RNH1: variants seen among roughly 807,000 people sequenced by gnomAD.
RNH1 encodes ribonuclease inhibitor.
A neutral mutation model predicts 46.1 loss-of-function variants in RNH1; 38 were observed. The observed-to-expected ratio is 0.82, with a 90% CI of 0.64 to 1.08. RNH1 has a LOEUF of 1.08. Among genes scored for constraint, RNH1 ranks in the 50% least tolerant of loss-of-function variants. RNH1 has a pLI of 0.00. For missense variants in RNH1, 577 were observed against 590.7 expected (o/e 0.98, Z 0.24); for synonymous variants, 319 against 279.1 (o/e 1.14, Z -1.43).
At chr11:499,572 C>A (rs758137818) in intron 5 of RNH1, 1 of 706,674 alleles carries the variant, frequency 1.4e-6, no homozygotes, top group South Asian at 1.5e-5. Flanking sequence ...CCGTCGGGTC[C>A]TGGGGCAGCT....
At chr11:495,308 G>A (rs1848958174) in intron 9 of RNH1, among the ~76,000 whole-genome samples, 1 of 152,176 alleles carries the variant, frequency 6.6e-6, no homozygotes, top group Non-Finnish European at 1.5e-5. Context: ...AGAAAGGACA[G>A]GAGAGAGATG....
At position 502,208 on chromosome 11, in the gene RNH1, C is replaced by A. The variant is rs775588624; in HGVS notation, c.-46G>T. The A allele has an allele frequency of 6.8e-7, 1 of 1,468,398 alleles. No individual in the cohort carries two copies. Among genetic ancestry groups the A allele is most frequent in the South Asian group, 1.2e-5 (1 of 84,432 alleles). 91.0% of individuals were successfully genotyped at this position (1,468,398 alleles called of 1,614,324 possible). On this transcript the variant is annotated 5_prime_UTR_variant, in exon 3 of 11. Coordinates refer to ENST00000354420, the MANE Select transcript of RNH1 (RefSeq NM_203387.3). This position sits in a 1 kb window ranked among gnomAD's most constrained non-coding sequence, Gnocchi z 5.8. ...TGGGTGGGAGGCAGAGGGAAGAGGA[C>A]GTCTTGGCCGAATCCCCTCACAGTT...
intron 3 of RNH1, chr11:500,921 G>T: frequency 1.8e-6 from 1 of 553,396 alleles, no homozygotes; most frequent in Non-Finnish European, 3.3e-6. Flanking sequence ...CTGAGGTCGG[G>T]AGTTCAAGAC....
Position 499,925 on chromosome 11 carries a change from T to G in RNH1, c.347A>C (p.Gln116Pro), listed in dbSNP as rs1565030568. 1 of 1,612,692 alleles carries G rather than the reference T, an allele frequency of 6.2e-7. No individual in the cohort carries two copies. Among genetic ancestry groups the G allele is most frequent in the Non-Finnish European group, 8.5e-7 (1 of 1,179,784 alleles). Reference protein sequence around the residue: ...SSTLRTLPTLQELHLSDNLLG... With the variant: ...SSTLRTLPTLPELHLSDNLLG... ...GAGGTTGTCGCTGAGGTGCAGCTCC[T>G]GCAGGGTGGGCAGGGTGCGTAGTGT... is the stretch of plus-strand genomic sequence containing the variant. The change falls in exon 5 of 11, where the codon CAG (glutamine) becomes CCG (proline). Residue 116 changes from glutamine to proline, a missense_variant. By Grantham distance (76) the Gln-to-Pro change is moderately conservative. Coordinates refer to ENST00000354420, the MANE Select transcript of RNH1 (RefSeq NM_203387.3).
intron 9 of RNH1, 82 bp from the exon 10 acceptor site, chr11:495,135 G>A (rs571781370): frequency 4.1e-5 from 57 of 1,401,682 alleles, no homozygotes; most frequent in Non-Finnish European, 5.4e-5. Flanking sequence ...GGCCTGGGGG[G>A]CGCGACGGAC....
intron 3 of RNH1, 53 bp from the exon 4 acceptor site, chr11:500,707 C>A: frequency 6.3e-7 from 1 of 1,585,312 alleles, no homozygotes; most frequent in Non-Finnish European, 8.6e-7. Context: ...CTGGCCTCAG[C>A]CTCCACCACC....
intron 4 of RNH1, 146 bp downstream of exon 4, chr11:500,338 T>C: frequency 1.0e-6 from 1 of 978,874 alleles, no homozygotes; most frequent in Non-Finnish European, 1.5e-6. Flanking sequence ...GCCAGGCCTG[T>C]GTGCCTCTGG....
At chr11:495,805 G>A (rs763369139) in intron 9 of RNH1, among the ~76,000 whole-genome samples, 9 of 152,148 alleles carry the variant, frequency 5.9e-5, no homozygotes, top group Non-Finnish European at 8.8e-5. Context: ...GCCATGACTC[G>A]GCCTGCAGGG....
intron 5 of RNH1, 172 bp downstream of exon 5, chr11:499,654 AGAG>A (rs1460705551): frequency 1.3e-6 from 1 of 772,190 alleles, no homozygotes; most frequent in African/African-American, 2.0e-5. Context: ...CATCATGGGG[AGAG>A]GAGAGCACCA....
intron 9 of RNH1, among the ~76,000 whole-genome samples, chr11:497,195 ACT>A (rs199834982): frequency 0.037 from 4,729 of 126,868 alleles, 113 homozygotes; most frequent in Middle Eastern, 0.12. Context: ...ACTCGTGCTC[ACT>A]CTCACCCATG....
chr11:501,993 T>C lies in RNH1; in HGVS notation c.101+69A>G. 1 of 1,084,154 alleles carries C rather than the reference T, an allele frequency of 9.2e-7. No homozygotes were observed. The highest frequency in any genetic ancestry group is 1.9e-5 in the Admixed American group (1 of 51,472). The allele number at this position is 1,084,154 out of a possible 1,614,324, so 67.2% of individuals were successfully genotyped here. ...CAAGGCGTTCCAGAGCAATGCACCCTTCAGAGGGAGCCGCCACCCGCCAGC... is the reference window on the plus strand; with the variant it reads ...CAAGGCGTTCCAGAGCAATGCACCCCTCAGAGGGAGCCGCCACCCGCCAGC... On this transcript the variant is annotated intron_variant, in intron 3 of 10. Coordinates refer to ENST00000354420, the MANE Select transcript of RNH1 (RefSeq NM_203387.3). This position sits in a 1 kb window ranked among gnomAD's most constrained non-coding sequence, Gnocchi z 4.1.
rs1849582743 is a variant in RNH1 at position 499,879 on chromosome 11, C to A, written c.393G>T (p.Gln131His). The A allele has an allele frequency of 6.2e-7, 1 of 1,613,190 alleles. No individual in the cohort carries two copies. Among genetic ancestry groups the A allele is most frequent in the Non-Finnish European group, 8.5e-7 (1 of 1,179,854 alleles). ...SDNLLGDAGL[Q>H]LLCEGLLDPQ... ...GGTCCAGGAGTCCTTCGCAGAGCAGCTGCAGGCCCGCATCCCCCAAGAGGT... is the reference window on the plus strand; with the variant it reads ...GGTCCAGGAGTCCTTCGCAGAGCAGATGCAGGCCCGCATCCCCCAAGAGGT... The change falls in exon 5 of 11, where the codon CAG becomes CAT. Residue 131 changes from glutamine to histidine, a missense_variant. Physicochemically the swap from Gln to His is conservative, Grantham distance 24. Transcript: ENST00000354420.
Position 499,092 on chromosome 11 carries a change from GTT to G in RNH1, c.535_536del (p.Asn179GlnfsTer5). ...GGACGCCAGCCTCATTGATGTCGTTGTTGCTAACCGTGAGCTCCTTGAAGTCC... is the reference window on the plus strand; with the variant it reads ...GGACGCCAGCCTCATTGATGTCGTTGGCTAACCGTGAGCTCCTTGAAGTCC... ...KPDFKELTVS[N>X]NDINEAGVRV... On this transcript the variant is annotated frameshift_variant, in exon 6 of 11. Coordinates refer to ENST00000354420, the MANE Select transcript of RNH1 (RefSeq NM_203387.3). LOFTEE classifies it high-confidence loss of function. The G allele has an allele frequency of 1.2e-6, 2 of 1,613,486 alleles. No homozygotes were observed. Among genetic ancestry groups the G allele is most frequent in the African/African-American group, 2.7e-5 (2 of 75,048 alleles).
chr11:506,372 GGAACCTCGCCCAGTAACAC>G (rs1850268335), intron 1 of RNH1: 4 of 152,314 alleles, frequency 2.6e-5, no homozygotes, highest in African/African-American at 9.6e-5. Context: ...CACCTTGGCT[GGAACCTCGCCCAGTAACAC>G]GACGTGCCTG....
chr11:499,410 G>A (rs1397690855), intron 5 of RNH1: 6 of 671,822 alleles, frequency 8.9e-6, no homozygotes, highest in Non-Finnish European at 1.6e-5. Context: ...CTCAGACTTT[G>A]GGGCCCAACC....
intron 5 of RNH1, 168 bp downstream of exon 5, chr11:499,661 A>G (rs1043790256): frequency 1.3e-6 from 1 of 794,086 alleles, no homozygotes; most frequent in Non-Finnish European, 2.1e-6. Context: ...GGGAGAGGAG[A>G]GCACCACAAG....
rs1565037947 is a variant in RNH1, at chr11:502,546, G to A, written c.-87-297C>T. Reference sequence around the variant, plus strand: ...GGAAGCCCCTGCCTCTCATTTGCTTGGGCAAGGACAGGGTAGGGTGGGGTG... The same window carrying A: ...GGAAGCCCCTGCCTCTCATTTGCTTAGGCAAGGACAGGGTAGGGTGGGGTG... On this transcript the variant is annotated intron_variant, in intron 2 of 10. Transcript: ENST00000354420. The surrounding 1 kb of genome is among the most constrained non-coding windows in gnomAD (Gnocchi z 5.8). The A allele has an allele frequency of 3.2e-6, 1 of 316,312 alleles. No individual in the cohort carries two copies. The highest frequency in any genetic ancestry group is 3.4e-5 in the South Asian group (1 of 29,850). 19.6% of individuals were successfully genotyped at this position (316,312 alleles called of 1,614,324 possible).
At position 498,504 on chromosome 11, in the gene RNH1, C is replaced by T. The variant is rs1849380056; in HGVS notation, c.909G>A (p.Leu303=). Residue 303 remains leucine (L), a synonymous_variant, in exon 8 of 11, where the codon CTG becomes CTA. Transcript: ENST00000354420. Reference sequence around the variant, plus strand: ...CAGGTTCCAGCAGGGTCTCACACAGCAGTCGGGCACCCTCATCCCCCAGCT... The same window carrying T: ...CAGGTTCCAGCAGGGTCTCACACAGTAGTCGGGCACCCTCATCCCCCAGCT... The part of the protein sequence containing the change: ...GNELGDEGAR[L]LCETLLEPGC... 6.2e-7 allele frequency: 1 copy of T among 1,613,338 alleles called. No individual in the cohort carries two copies. Among genetic ancestry groups the T allele is most frequent in the Non-Finnish European group, 8.5e-7 (1 of 1,180,010 alleles).
Position 494,562 on chromosome 11 carries a change from C to A in RNH1, c.*129G>T. On this transcript the variant is annotated 3_prime_UTR_variant, in exon 11 of 11. Transcript: ENST00000354420. Reference sequence around the variant, plus strand: ...TTATAAAGTGTCCAAAATATACTGGCAGAAATAAGCGGATCTGAGCGTTTC... The same window carrying A: ...TTATAAAGTGTCCAAAATATACTGGAAGAAATAAGCGGATCTGAGCGTTTC... 2.5e-6 allele frequency: 2 copies of A among 806,224 alleles called. No homozygotes were observed. Among genetic ancestry groups the A allele is most frequent in the South Asian group, 1.5e-5 (1 of 67,680 alleles). 49.9% of individuals were successfully genotyped at this position (806,224 alleles called of 1,614,324 possible).
Sources: allele counts gnomAD v4.1 joint callset (sites outside exome capture counted in the v4.1 genomes callset), GRCh38; gene constraint gnomAD v4.1.1; non-coding constraint Gnocchi (gnomAD v3.1); transcripts MANE v1.5; gene names NCBI Gene and HGNC (gene_info 2026-07-23, HGNC 2026-07-21).